The following METTL16 variants were observed in gnomAD, a reference collection of about 807,000 sequenced individuals.
METTL16 encodes the protein RNA N(6)-adenosine-methyltransferase METTL16.
METTL16 carries 19 observed loss-of-function variants against 57.9 expected under a neutral mutation model. The observed-to-expected ratio is 0.33, with a 90% CI of 0.23 to 0.48. The LOEUF is 0.48. METTL16 is among the 20% of genes least tolerant of loss of function. The pLI, the probability that METTL16 is intolerant of heterozygous loss-of-function variation, is 0.99. For synonymous variants in METTL16, 246 were observed against 255.6 expected, an observed-to-expected ratio of 0.96 and a Z score of 0.36; for missense variants, 434 against 691.5, an observed-to-expected ratio of 0.63 and a Z score of 4.18.
intron 2 of METTL16, among the ~76,000 whole-genome samples, chr17:2,486,685 G>A (rs900817231): frequency 3.9e-5 from 6 of 152,042 alleles, no homozygotes; most frequent in African/African-American, 1.4e-4. Context: ...TAAGAGGCTA[G>A]ATAAAGGCTG....
In METTL16 at chr17:2,420,418, T is replaced by A; in HGVS notation, c.1241A>T (p.Lys414Ile). The A allele has an allele frequency of 3.1e-6, 5 of 1,614,000 alleles. No homozygotes were observed. The highest frequency in any genetic ancestry group is 4.2e-6 in the Non-Finnish European group (5 of 1,180,014). The stretch of plus-strand genomic sequence containing the variant: ...CAGTTCTTGGCTATTGCCAGACTCT[T>A]TGGGGGTGGGCTTTTTCTCTTCCAA... Reference protein sequence around the residue: ...QALEEKKPTPKESGNSQELAR... With the variant: ...QALEEKKPTPIESGNSQELAR... Residue 414 changes from lysine to isoleucine, a missense_variant, in exon 10 of 10, where the codon AAA (lysine) becomes ATA (isoleucine). This residue lies in a region of METTL16 where 168 missense variants were observed against 149.6 expected (regional missense o/e 1.12). Coordinates refer to ENST00000263092, the MANE Select transcript of METTL16 (RefSeq NM_024086.4). The surrounding 1 kb of genome is among the most constrained non-coding windows in gnomAD (Gnocchi z 5.4).
chr17:2,448,182 G>C (rs1258447530), intron 6 of METTL16, among the ~76,000 whole-genome samples: 4 of 142,544 alleles, frequency 2.8e-5, no homozygotes, highest in Admixed American at 7.2e-5. Flanking sequence ...GCCTCTGCCC[G>C]GCCGCCCCTA....
At chr17:2,446,337 C>T (rs1444699797) in intron 6 of METTL16, among the ~76,000 whole-genome samples, 2 of 152,264 alleles carry the variant, frequency 1.3e-5, no homozygotes, top group East Asian at 3.9e-4. Context: ...TGCATACAAA[C>T]TGAAATGAAA....
intron 1 of METTL16, among the ~76,000 whole-genome samples, chr17:2,506,258 C>G (rs2067532463): frequency 7.4e-6 from 1 of 135,684 alleles, no homozygotes; most frequent in Non-Finnish European, 1.6e-5. Context: ...CTCCCCCTCC[C>G]CCTCCCTCTC....
chr17:2,452,468 T>A (rs1228642751), intron 6 of METTL16, among the ~76,000 whole-genome samples: 1 of 152,078 alleles, frequency 6.6e-6, no homozygotes, highest in Non-Finnish European at 1.5e-5. Context: ...TCAACGGGCA[T>A]CTTGTGACAA....
At chr17:2,436,052 C>A (rs938860335) in intron 8 of METTL16, among the ~76,000 whole-genome samples, 1 of 152,118 alleles carries the variant, frequency 6.6e-6, no homozygotes, top group African/African-American at 2.4e-5. Flanking sequence ...TGCTCTTCCA[C>A]CTGCAGCGCC....
chr17:2,506,189 C>T (rs57842024), intron 1 of METTL16, among the ~76,000 whole-genome samples: 30,211 of 151,264 alleles, frequency 0.2, 3,129 homozygotes, highest in East Asian at 0.35. Context: ...AGCACCTCTT[C>T]TTCAGGAAGA....
intron 2 of METTL16, among the ~76,000 whole-genome samples, chr17:2,491,680 C>T (rs1458796116): frequency 4.0e-5 from 6 of 151,362 alleles, no homozygotes; most frequent in Non-Finnish European, 8.8e-5. Context: ...TGGAGACCAT[C>T]CTGGCTAACA....
At chr17:2,451,879 C>G (rs906738786) in intron 6 of METTL16, among the ~76,000 whole-genome samples, 1 of 151,994 alleles carries the variant, frequency 6.6e-6, no homozygotes, top group African/African-American at 2.4e-5. Flanking sequence ...GGCGTGGTGG[C>G]TCACATCTGT....
intron 6 of METTL16, among the ~76,000 whole-genome samples, chr17:2,442,663 A>T (rs1349032124): frequency 6.6e-6 from 1 of 152,030 alleles, no homozygotes; most frequent in East Asian, 1.9e-4. Flanking sequence ...CGTCCCACAG[A>T]CCCTATAGGT....
chr17:2,441,584 T>G (rs1019976174), intron 6 of METTL16, 25 bp from the exon 7 acceptor site: 2 of 1,496,148 alleles, frequency 1.3e-6, no homozygotes, highest in Non-Finnish European at 1.8e-6. Flanking sequence ...ATCAGACAAG[T>G]AAATACGGTT....
At chr17:2,477,575 G>A (rs924607398) in intron 3 of METTL16, 111 bp downstream of exon 3, 6 of 789,784 alleles carry the variant, frequency 7.6e-6, no homozygotes, top group East Asian at 2.6e-5. Context: ...TGTATCTGTA[G>A]CCAGCTTCTT....
At chr17:2,438,801 A>AT (rs1446555703) in intron 7 of METTL16, among the ~76,000 whole-genome samples, 2 of 152,100 alleles carry the variant, frequency 1.3e-5, no homozygotes, top group Non-Finnish European at 2.9e-5. Context: ...GCCTCAAGTG[A>AT]TTTTTTGTTT....
intron 2 of METTL16, among the ~76,000 whole-genome samples, chr17:2,485,229 A>G (rs908300408): frequency 6.6e-6 from 1 of 152,194 alleles, no homozygotes; most frequent in Non-Finnish European, 1.5e-5. Context: ...CTCCTTGAGG[A>G]TCTAAAGCCT....
intron 8 of METTL16, among the ~76,000 whole-genome samples, chr17:2,426,160 G>A (rs1567880683): frequency 6.6e-6 from 1 of 152,010 alleles, no homozygotes; most frequent in Non-Finnish European, 1.5e-5. Context: ...TTTTGGCAAA[G>A]CAGCTTCTAG....
At chr17:2,491,820 A>C (rs530512516) in intron 2 of METTL16, among the ~76,000 whole-genome samples, 1 of 143,024 alleles carries the variant, frequency 7.0e-6, no homozygotes, top group Non-Finnish European at 1.5e-5. Context: ...GCTTGCAGTG[A>C]GCCGAGATCG....
chr17:2,433,190 T>C (rs1181916689), intron 8 of METTL16, among the ~76,000 whole-genome samples: 3 of 152,174 alleles, frequency 2.0e-5, no homozygotes, highest in African/African-American at 4.8e-5. Flanking sequence ...CTGGGCTGGG[T>C]TGCAGTGGAG....
intron 2 of METTL16, among the ~76,000 whole-genome samples, chr17:2,492,165 T>G (rs532297362): frequency 7.0e-6 from 1 of 143,188 alleles, no homozygotes; most frequent in African/African-American, 2.6e-5. Context: ...GAGCCGAGAT[T>G]GCGCCACTGC....
intron 8 of METTL16, among the ~76,000 whole-genome samples, chr17:2,421,787 G>A (rs1276216875): frequency 6.6e-6 from 1 of 152,184 alleles, no homozygotes; most frequent in Admixed American, 6.5e-5. Context: ...GGGCCACTAA[G>A]ATCACGTGGG....
Sources: allele counts gnomAD v4.1 joint callset (sites outside exome capture counted in the v4.1 genomes callset), GRCh38; gene constraint gnomAD v4.1.1; regional missense constraint gnomAD v4.1.1; non-coding constraint Gnocchi (gnomAD v3.1); transcripts MANE v1.5; gene names NCBI Gene and HGNC (gene_info 2026-07-23, HGNC 2026-07-21).